Variants in NTM observed in about 807,000 individuals in gnomAD.
NTM encodes neurotrimin, also known as IgLON family member 2.
In NTM, 13 loss-of-function variants were observed where a neutral mutation model predicts 42.1. That is an observed-to-expected ratio of 0.31 (90% CI 0.20 to 0.49). The LOEUF is 0.49. NTM is among the 20% of genes least tolerant of loss of function. NTM has a pLI of 0.99. For missense variants in NTM, 373 were observed against 452.8 expected (o/e 0.82, Z 1.60); for synonymous variants, 187 against 179.2 (o/e 1.04, Z -0.35).
intron 1 of NTM, among the ~76,000 whole-genome samples, chr11:131,381,395 A>T (rs1942661115): frequency 1.3e-5 from 2 of 152,198 alleles, no homozygotes; most frequent in African/African-American, 4.8e-5. Context: ...TTTTTTCTCA[A>T]TGCAACTGGT....
chr11:131,908,465 C>A (rs522856), intron 1 of NTM, among the ~76,000 whole-genome samples: 77,275 of 152,110 alleles, frequency 0.51, 20,363 homozygotes, highest in East Asian at 0.71. Context: ...CCAGGATTAG[C>A]ATTTATCATG....
At chr11:132,041,762 G>T (rs1379240882) in intron 2 of NTM, among the ~76,000 whole-genome samples, 3 of 152,138 alleles carry the variant, frequency 2.0e-5, no homozygotes, top group Non-Finnish European at 2.9e-5. Flanking sequence ...TGTGGCCTTT[G>T]GAAGCATAAG....
intron 1 of NTM, among the ~76,000 whole-genome samples, chr11:131,869,876 A>G (rs1157481620): frequency 1.3e-5 from 2 of 152,144 alleles, no homozygotes; most frequent in African/African-American, 4.8e-5. Context: ...CACCTTTCCT[A>G]TGCCTTAAGG....
chr11:131,866,342 C>A (rs543894615), intron 1 of NTM, among the ~76,000 whole-genome samples: 4 of 152,372 alleles, frequency 2.6e-5, no homozygotes, highest in Non-Finnish European at 4.4e-5. Context: ...CCCTCAATGG[C>A]ATCTGCAGGT....
chr11:132,100,587 C>A (rs1431636738), intron 2 of NTM, among the ~76,000 whole-genome samples: 1 of 152,178 alleles, frequency 6.6e-6, no homozygotes, highest in East Asian at 1.9e-4. Flanking sequence ...TTTCCTTTGG[C>A]CCTGGGCATG....
intron 1 of NTM, among the ~76,000 whole-genome samples, chr11:131,472,888 C>A (rs796722773): frequency 2.0e-5 from 3 of 152,134 alleles, no homozygotes; most frequent in African/African-American, 4.8e-5. Flanking sequence ...GAGATTGAGT[C>A]ATCCCTTGAT....
chr11:132,138,216 C>T (rs2068328632), intron 2 of NTM, among the ~76,000 whole-genome samples: 1 of 152,100 alleles, frequency 6.6e-6, no homozygotes, highest in African/African-American at 2.4e-5. Flanking sequence ...TCCTGCCTTC[C>T]CAGAGTTCCA....
At chr11:132,070,683 A>G (rs1418084159) in intron 2 of NTM, among the ~76,000 whole-genome samples, 97 of 143,554 alleles carry the variant, frequency 6.8e-4, no homozygotes, top group African/African-American at 2.2e-3. Context: ...AGCCAAGTTA[A>G]CACGTCAAAC....
At position 131,456,884 on chromosome 11, in the gene NTM, T is replaced by A. The variant is rs144549611; in HGVS notation, c.82+85996T>A. 1.9e-4 allele frequency among the ~76,000 whole-genome samples: 29 copies of A among 152,314 alleles called. No homozygotes were observed. The East Asian group carries it at 5.6e-3, about 29-fold the overall frequency. The stretch of plus-strand genomic sequence containing the variant: ...AGCTTCCTGTGCTTTCCTATCTCTA[T>A]GATTTTCATGCTTTTCTGACTCTTG... On this transcript the variant is annotated intron_variant, in intron 1 of 8. Transcript: ENST00000683400.
intron 1 of NTM, among the ~76,000 whole-genome samples, chr11:131,559,390 G>A (rs1555149941): frequency 1.3e-5 from 2 of 152,328 alleles, no homozygotes; most frequent in Non-Finnish European, 2.9e-5. Flanking sequence ...TTAACCAGCT[G>A]TCTTTTTACT....
chr11:131,777,052 G>T (rs900763109), intron 1 of NTM: 2 of 918,550 alleles, frequency 2.2e-6, no homozygotes, highest in East Asian at 1.2e-4. Context: ...GTGGCAGAAA[G>T]TTGCTTCTGC....
At chr11:132,320,143 A>C (rs1475364014) in intron 7 of NTM, among the ~76,000 whole-genome samples, 1 of 152,238 alleles carries the variant, frequency 6.6e-6, no homozygotes, top group Non-Finnish European at 1.5e-5. Flanking sequence ...GACCAAAGGT[A>C]GATAAAACCA....
intron 1 of NTM, among the ~76,000 whole-genome samples, chr11:131,608,326 G>A (rs1297128435): frequency 6.6e-6 from 1 of 152,128 alleles, no homozygotes; most frequent in Non-Finnish European, 1.5e-5. Flanking sequence ...ATTTTTGAAT[G>A]AGTGCATGAG....
At chr11:131,503,224 A>T (rs1171106822) in intron 1 of NTM, among the ~76,000 whole-genome samples, 1 of 152,164 alleles carries the variant, frequency 6.6e-6, no homozygotes, top group African/African-American at 2.4e-5. Context: ...GCCTGGGGGA[A>T]GGTGTGGAGG....
intron 4 of NTM, among the ~76,000 whole-genome samples, chr11:132,292,976 G>A (rs1335031132): frequency 6.6e-6 from 1 of 151,970 alleles, no homozygotes; most frequent in East Asian, 1.9e-4. Flanking sequence ...AGTTTTAGGT[G>A]TGAATGTGGA....
intron 1 of NTM, among the ~76,000 whole-genome samples, chr11:131,448,261 C>T (rs1950218278): frequency 6.6e-6 from 1 of 152,224 alleles, no homozygotes; most frequent in Admixed American, 6.5e-5. Context: ...ACAGCTGCAC[C>T]ATCTTCTTCT....
chr11:131,495,400 A>G (rs547307763), intron 1 of NTM, among the ~76,000 whole-genome samples: 3 of 152,334 alleles, frequency 2.0e-5, no homozygotes, highest in East Asian at 3.9e-4. Context: ...GCTGATTGCA[A>G]TCATGCTGAT....
rs11367745 is a variant in NTM at position 131,416,193 on chromosome 11, GTT to G, written c.82+45315_82+45316del. Among the ~76,000 whole-genome samples the G allele has an allele frequency of 3.4e-5, 5 of 145,802 alleles. No individual in the cohort carries two copies. In the East Asian group the frequency reaches 9.9e-4, roughly 29 times the overall value. On this transcript the variant is annotated intron_variant, in intron 1 of 8. Coordinates refer to ENST00000683400, the MANE Select transcript of NTM (RefSeq NM_001352005.2). ...GAATTAGGAAGTTTCTTCTTTTCATGTTTTTTTTTTTCTTCCCTTTTCTACAC... is the reference window on the plus strand; with the variant it reads ...GAATTAGGAAGTTTCTTCTTTTCATGTTTTTTTTTCTTCCCTTTTCTACAC...
intron 1 of NTM, among the ~76,000 whole-genome samples, chr11:131,456,017 T>C (rs1950856578): frequency 1.3e-5 from 2 of 152,220 alleles, no homozygotes; most frequent in African/African-American, 2.4e-5. Flanking sequence ...ACTAGCAAAG[T>C]CTTGACCCAT....
Sources: allele counts gnomAD v4.1 joint callset (sites outside exome capture counted in the v4.1 genomes callset), GRCh38; gene constraint gnomAD v4.1.1; transcripts MANE v1.5; gene names NCBI Gene and HGNC (gene_info 2026-07-23, HGNC 2026-07-21).